Variants in CSMD1 observed in about 807,000 individuals in gnomAD.
The protein encoded by CSMD1 is CUB and sushi domain-containing protein 1.
A neutral mutation model predicts 417.5 loss-of-function variants in CSMD1; 213 were observed. The ratio of observed to expected loss-of-function variants is 0.51; its 90% confidence interval spans 0.46 to 0.57. CSMD1 has a LOEUF of 0.57. Among genes scored for constraint, CSMD1 ranks in the 20% least tolerant of loss-of-function variants. The probability of loss-of-function intolerance (pLI) is 0.00; values close to 1 mark genes in which losing one functional copy is unlikely to be tolerated. For synonymous variants in CSMD1, 2,862 were observed against 1,736.8 expected, an observed-to-expected ratio of 1.65 and a Z score of -16.11; for missense variants, 6,923 against 4,529.7, an observed-to-expected ratio of 1.53 and a Z score of -15.17.
At chr8:4,760,640 G>C (rs1177794332) in intron 1 of CSMD1, among the ~76,000 whole-genome samples, 1 of 152,122 alleles carries the variant, frequency 6.6e-6, no homozygotes. Context: ...TGTTGTATAA[G>C]TATGCTGGTA....
At chr8:4,568,214 G>A (rs1798709130) in intron 2 of CSMD1, among the ~76,000 whole-genome samples, 1 of 152,102 alleles carries the variant, frequency 6.6e-6, no homozygotes, top group Non-Finnish European at 1.5e-5. Context: ...GGGTATACAT[G>A]TTTACTGCAC....
chr8:3,007,019 A>T lies in CSMD1; in HGVS notation c.8030-6888T>A, dbSNP rs1433876245. 3.4e-5 allele frequency among the ~76,000 whole-genome samples: 5 copies of T among 145,374 alleles called. 1 individual carries two copies. The highest frequency in any genetic ancestry group is 1.4e-4 in the African/African-American group (5 of 35,422). On this transcript the variant is annotated intron_variant, in intron 52 of 69. Coordinates refer to ENST00000635120, the MANE Select transcript of CSMD1 (RefSeq NM_033225.6). ...GAATGGGAGAAAATTTTTGCAACCT[A>T]CTCATCTGACAAAGGGCTAATATCC...
intron 1 of CSMD1, among the ~76,000 whole-genome samples, chr8:4,954,210 C>A (rs1283450132): frequency 6.6e-6 from 1 of 152,274 alleles, no homozygotes; most frequent in South Asian, 2.1e-4. Context: ...TGTTCCCTAA[C>A]CTCAAGGAGC....
intron 2 of CSMD1, among the ~76,000 whole-genome samples, chr8:4,622,038 G>C (rs1452959777): frequency 1.3e-5 from 2 of 151,852 alleles, no homozygotes; most frequent in African/African-American, 2.4e-5. Flanking sequence ...AGCAGATAAA[G>C]AACATTTGTG....
chr8:4,607,081 T>A (rs969422953), intron 2 of CSMD1, among the ~76,000 whole-genome samples: 2 of 152,210 alleles, frequency 1.3e-5, no homozygotes, highest in Non-Finnish European at 2.9e-5. Context: ...ATTCATATGT[T>A]TATTCATTTA....
chr8:4,341,253 T>TCA (rs1340735565), intron 3 of CSMD1, among the ~76,000 whole-genome samples: 1 of 152,116 alleles, frequency 6.6e-6, no homozygotes, highest in Admixed American at 6.6e-5. Flanking sequence ...CCAGTATTTT[T>TCA]CAGAAGGCAG....
At chr8:4,169,547 CAT>C (rs1312874411) in intron 3 of CSMD1, among the ~76,000 whole-genome samples, 1 of 152,152 alleles carries the variant, frequency 6.6e-6, no homozygotes, top group Non-Finnish European at 1.5e-5. Flanking sequence ...CCTCCAAACT[CAT>C]GTTACTTTTC....
intron 2 of CSMD1, among the ~76,000 whole-genome samples, chr8:4,433,578 T>G (rs570828160): frequency 6.6e-6 from 1 of 152,092 alleles, no homozygotes; most frequent in Non-Finnish European, 1.5e-5. Context: ...AACAGAGAGA[T>G]GAAAAGCGCC....
rs555829023 is a variant in CSMD1, at chr8:4,571,791, C to A, written c.302+65551G>T. Reference sequence around the variant, plus strand: ...CTCTTTGTACGTCTCTAAGAACTTGCTTTCCGAATCTGGGGGCTTCTATAT... The same window carrying A: ...CTCTTTGTACGTCTCTAAGAACTTGATTTCCGAATCTGGGGGCTTCTATAT... On this transcript the variant is annotated intron_variant, in intron 2 of 69. Transcript: ENST00000635120. Among the ~76,000 whole-genome samples, 10 of 152,158 alleles carry A rather than the reference C, an allele frequency of 6.6e-5. No individual in the cohort carries two copies. In the East Asian group the frequency reaches 1.9e-3, roughly 29 times the overall value.
At chr8:3,284,028 G>A in intron 26 of CSMD1, 116 bp downstream of exon 26, 1 of 895,210 alleles carries the variant, frequency 1.1e-6, no homozygotes, top group Non-Finnish European at 1.7e-6. Flanking sequence ...CTTCAAATTA[G>A]GCTCAATAAA....
At chr8:4,024,417 T>C (rs1163378434) in intron 4 of CSMD1, among the ~76,000 whole-genome samples, 3 of 152,196 alleles carry the variant, frequency 2.0e-5, no homozygotes, top group African/African-American at 7.2e-5. Context: ...AAAACTTTAT[T>C]ATTAAACTCT....
intron 10 of CSMD1, among the ~76,000 whole-genome samples, chr8:3,538,692 C>A (rs769860669): frequency 6.6e-6 from 1 of 152,232 alleles, no homozygotes; most frequent in African/African-American, 2.4e-5. Flanking sequence ...CGTGGCATGG[C>A]CTGCCATCTT....
intron 27 of CSMD1, among the ~76,000 whole-genome samples, chr8:3,228,608 G>C (rs552432985): frequency 1.4e-4 from 22 of 152,266 alleles, no homozygotes; most frequent in African/African-American, 4.8e-4. Context: ...AAGTAACTAA[G>C]AGATGATCTA....
intron 3 of CSMD1, among the ~76,000 whole-genome samples, chr8:4,091,636 G>T (rs866731060): frequency 6.6e-6 from 1 of 152,094 alleles, no homozygotes; most frequent in Non-Finnish European, 1.5e-5. Flanking sequence ...TTCCAATAAA[G>T]AGCCCCACAA....
chr8:4,483,335 A>G (rs1205384907), intron 2 of CSMD1, among the ~76,000 whole-genome samples: 1 of 152,216 alleles, frequency 6.6e-6, no homozygotes, highest in Non-Finnish European at 1.5e-5. Context: ...TATCGGCAGC[A>G]TGAAAATGAA....
intron 10 of CSMD1, among the ~76,000 whole-genome samples, chr8:3,546,283 C>G (rs775965187): frequency 5.0e-4 from 74 of 149,248 alleles, no homozygotes; most frequent in Non-Finnish European, 9.8e-4. Flanking sequence ...AAAAAAAAAT[C>G]CCAGTACTTT....
At chr8:3,252,210 G>C (rs906374951) in intron 26 of CSMD1, among the ~76,000 whole-genome samples, 2 of 152,096 alleles carry the variant, frequency 1.3e-5, no homozygotes, top group Non-Finnish European at 2.9e-5. Flanking sequence ...GTCATAGATA[G>C]CTCTTATTAT....
intron 1 of CSMD1, among the ~76,000 whole-genome samples, chr8:4,968,493 A>C (rs1434987675): frequency 6.6e-6 from 1 of 152,150 alleles, no homozygotes; most frequent in Non-Finnish European, 1.5e-5. Context: ...GATATAGGAA[A>C]ATGCAAAATG....
intron 1 of CSMD1, among the ~76,000 whole-genome samples, chr8:4,854,539 C>T (rs969132972): frequency 6.6e-6 from 1 of 152,130 alleles, no homozygotes; most frequent in East Asian, 1.9e-4. Flanking sequence ...ACAGTGGGTG[C>T]AGGTCAGTGG....
Sources: gnomAD v4.1 joint callset for allele counts (sites outside exome capture counted in the v4.1 genomes callset) on GRCh38, gnomAD v4.1.1 for gene constraint, MANE v1.5 for transcripts, NCBI Gene and HGNC (gene_info 2026-07-23, HGNC 2026-07-21) for gene names.